The following XPR1 variants were observed in gnomAD, a reference collection of about 807,000 sequenced individuals.
XPR1 encodes the protein solute carrier family 53 member 1.
XPR1 carries 28 observed loss-of-function variants against 87.5 expected under a neutral mutation model. The observed-to-expected ratio is 0.32, with a 90% CI of 0.24 to 0.44. The LOEUF is 0.44. Ranked by LOEUF, XPR1 falls within the 20% of genes least tolerant of loss-of-function variation. The pLI, the probability that XPR1 is intolerant of heterozygous loss-of-function variation, is 1.00. For missense variants in XPR1, 559 were observed against 862.3 expected (o/e 0.65, Z 4.41); for synonymous variants, 300 against 306.1 (o/e 0.98, Z 0.21).
intron 2 of XPR1, among the ~76,000 whole-genome samples, chr1:180,724,270 G>A (rs1027077352): frequency 1.3e-5 from 2 of 152,046 alleles, no homozygotes; most frequent in Non-Finnish European, 2.9e-5. Flanking sequence ...CTTGAAGCAG[G>A]GCCAACTTAC....
At chr1:180,828,028 C>G (rs1175509088) in intron 9 of XPR1, among the ~76,000 whole-genome samples, 1 of 151,936 alleles carries the variant, frequency 6.6e-6, no homozygotes, top group Non-Finnish European at 1.5e-5. Flanking sequence ...AGGTGTGTGC[C>G]AACGTGCCTG....
intron 12 of XPR1, among the ~76,000 whole-genome samples, chr1:180,864,832 T>G (rs1453442666): frequency 6.6e-6 from 1 of 152,226 alleles, no homozygotes; most frequent in Non-Finnish European, 1.5e-5. Flanking sequence ...ATGTAAATTC[T>G]AATCCCAGCT....
intron 1 of XPR1, among the ~76,000 whole-genome samples, chr1:180,645,825 C>A (rs112643953): frequency 1.5e-3 from 225 of 152,336 alleles, no homozygotes; most frequent in African/African-American, 5.2e-3. Flanking sequence ...ATAGACTCAA[C>A]ATTTGGAAGT....
At chr1:180,865,523 C>A (rs1652360228) in intron 12 of XPR1, among the ~76,000 whole-genome samples, 1 of 151,922 alleles carries the variant, frequency 6.6e-6, no homozygotes, top group Non-Finnish European at 1.5e-5. Flanking sequence ...ACCTCAGCCT[C>A]CCAAGTAGCT....
At chr1:180,753,607 A>T (rs902662052) in intron 2 of XPR1, among the ~76,000 whole-genome samples, 2 of 151,642 alleles carry the variant, frequency 1.3e-5, no homozygotes, top group Non-Finnish European at 2.9e-5. Flanking sequence ...CTTTAGTTGC[A>T]TTACTAATAA....
chr1:180,712,249 G>A (rs544061021), intron 2 of XPR1, among the ~76,000 whole-genome samples: 1 of 152,296 alleles, frequency 6.6e-6, no homozygotes, highest in East Asian at 1.9e-4. Context: ...AAGCACTGAA[G>A]TACCATGATA....
chr1:180,762,051 C>T (rs1224474661), intron 2 of XPR1, among the ~76,000 whole-genome samples: 1 of 146,284 alleles, frequency 6.8e-6, no homozygotes, highest in Non-Finnish European at 1.5e-5. Context: ...TGTTCTCACT[C>T]ATAGGTGGGA....
At chr1:180,856,061 C>T (rs1221911556) in intron 11 of XPR1, among the ~76,000 whole-genome samples, 2 of 152,144 alleles carry the variant, frequency 1.3e-5, no homozygotes, top group African/African-American at 4.8e-5. Context: ...ATTTCCCTTA[C>T]CTCATTAAGC....
At chr1:180,662,563 C>T (rs545467371) in intron 1 of XPR1, among the ~76,000 whole-genome samples, 1 of 152,212 alleles carries the variant, frequency 6.6e-6, no homozygotes, top group East Asian at 1.9e-4. Context: ...TTTCTTTATC[C>T]TTGACCTTTG....
intron 4 of XPR1, among the ~76,000 whole-genome samples, chr1:180,804,394 C>CTG (rs1489717239): frequency 2.0e-5 from 3 of 152,348 alleles, no homozygotes; most frequent in African/African-American, 7.2e-5. Flanking sequence ...CAACTTGCAG[C>CTG]TGAAAGAATC....
chr1:180,850,408 A>T (rs535581510), intron 11 of XPR1, among the ~76,000 whole-genome samples: 1 of 152,150 alleles, frequency 6.6e-6, no homozygotes, highest in African/African-American at 2.4e-5. Context: ...CATAATATGG[A>T]ATACATATTG....
At chr1:180,691,197 ATG>A (rs1656982817) in intron 2 of XPR1, among the ~76,000 whole-genome samples, 1 of 152,076 alleles carries the variant, frequency 6.6e-6, no homozygotes, top group African/African-American at 2.4e-5. Context: ...TTGAGAGACT[ATG>A]TATTTTGTCA....
intron 1 of XPR1, among the ~76,000 whole-genome samples, chr1:180,656,470 T>TTATTTATATATAATATA (rs1655497440): frequency 1.8e-4 from 2 of 11,270 alleles, no homozygotes; most frequent in Non-Finnish European, 3.2e-4. Context: ...TATATAATAT[T>TTATTTATATATAATATA]TATACATTAT....
intron 2 of XPR1, among the ~76,000 whole-genome samples, chr1:180,698,951 T>C (rs1049192953): frequency 2.0e-5 from 3 of 152,162 alleles, no homozygotes; most frequent in African/African-American, 4.8e-5. Context: ...CTCTTTGTCT[T>C]TGACTTTTGA....
chr1:180,699,179 A>G (rs1657268506), intron 2 of XPR1, among the ~76,000 whole-genome samples: 1 of 149,544 alleles, frequency 6.7e-6, no homozygotes, highest in African/African-American at 2.5e-5. Flanking sequence ...CATATGTCAC[A>G]TAGGCTTTCT....
chr1:180,704,274 A>ATATATATATATATATATATATATATG (rs1378621484), intron 2 of XPR1, among the ~76,000 whole-genome samples: 1 of 141,690 alleles, frequency 7.1e-6, no homozygotes, highest in East Asian at 2.0e-4. Context: ...ATATATATAT[A>ATATATATATATATATATATATATATG]TATTATCAGA....
At chr1:180,849,763 T>A (rs987077746) in intron 11 of XPR1, among the ~76,000 whole-genome samples, 5 of 152,322 alleles carry the variant, frequency 3.3e-5, no homozygotes, top group Non-Finnish European at 7.4e-5. Context: ...ATGATAATGG[T>A]ACTCACTTCA....
At chr1:180,693,743 G>T (rs1264172817) in intron 2 of XPR1, among the ~76,000 whole-genome samples, 1 of 152,006 alleles carries the variant, frequency 6.6e-6, no homozygotes, top group Non-Finnish European at 1.5e-5. Context: ...CTTGTCCTTT[G>T]TCTGTCCTCT....
Position 180,826,683 on chromosome 1 carries a change from T to G in XPR1, c.1134+1339T>G, listed in dbSNP as rs116222009. On this transcript the variant is annotated intron_variant, in intron 9 of 14. Coordinates refer to ENST00000367590, the MANE Select transcript of XPR1 (RefSeq NM_004736.4). The stretch of plus-strand genomic sequence containing the variant: ...AATTGACCAATCTCTATAAAAACTT[T>G]CAGAATTGCTCTATTTTCTCACCTC... 4.0e-3 allele frequency among the ~76,000 whole-genome samples: 609 copies of G among 152,318 alleles called. 2 individuals carry two copies. The highest frequency in any genetic ancestry group is 7.5e-3 in the Admixed American group (115 of 15,298).
Sources: allele counts gnomAD v4.1 joint callset (sites outside exome capture counted in the v4.1 genomes callset), GRCh38; gene constraint gnomAD v4.1.1; transcripts MANE v1.5; gene names NCBI Gene and HGNC (gene_info 2026-07-23, HGNC 2026-07-21).